Variants in NCKAP5 observed in about 807,000 individuals in gnomAD.
NCKAP5 encodes the protein nck-associated protein 5.
NCKAP5 carries 92 observed loss-of-function variants against 167.0 expected under a neutral mutation model. The ratio of observed to expected loss-of-function variants is 0.55; its 90% CI spans 0.47 to 0.66. The LOEUF is 0.66. Ranked by LOEUF, NCKAP5 falls within the 30% of genes least tolerant of loss-of-function variation. NCKAP5 has a pLI of 0.00. For synonymous variants in NCKAP5, 891 were observed against 877.4 expected, an observed-to-expected ratio of 1.02 and a Z score of -0.27; for missense variants, 2,378 against 2,315.0, an observed-to-expected ratio of 1.03 and a Z score of -0.56.
At chr2:133,399,724 G>A (rs973659828) in intron 3 of NCKAP5, among the ~76,000 whole-genome samples, 7 of 151,994 alleles carry the variant, frequency 4.6e-5, no homozygotes, top group Non-Finnish European at 5.9e-5. Flanking sequence ...TAACTGGTGC[G>A]GGCTCCATAA....
rs191614952 is a variant in NCKAP5, at chr2:133,279,469, C to T, written c.143+23568G>A. ...AAATTTTATTTTGGAAAAAAGTTCT[C>T]CTACATAACTAATATCACATAGCTT... On this transcript the variant is annotated intron_variant, in intron 4 of 19. Transcript: ENST00000409261. 3.9e-3 allele frequency among the ~76,000 whole-genome samples: 591 copies of T among 152,276 alleles called. 1 individual carries two copies. Among genetic ancestry groups the T allele is most frequent in the Middle Eastern group, 6.8e-3 (2 of 294 alleles).
the NCKAP5 span, among the ~76,000 whole-genome samples, chr2:133,602,167 T>A: frequency 1.3e-5 from 2 of 152,046 alleles, no homozygotes; most frequent in African/African-American, 4.8e-5. Flanking sequence ...GGGAGACTAT[T>A]CTGGGATGTG....
At chr2:133,064,356 G>A (rs1358108736) in intron 6 of NCKAP5, among the ~76,000 whole-genome samples, 1 of 152,130 alleles carries the variant, frequency 6.6e-6, no homozygotes, top group African/African-American at 2.4e-5. Flanking sequence ...TTTCATTATG[G>A]TTTGTGTAGG....
At chr2:132,933,098 T>C (rs1257489962) in intron 8 of NCKAP5, among the ~76,000 whole-genome samples, 1 of 152,070 alleles carries the variant, frequency 6.6e-6, no homozygotes, top group Non-Finnish European at 1.5e-5. Context: ...CTAATATTTT[T>C]GTATTTTTAG....
At chr2:132,979,990 CTTTTTCTTTTTT>C (rs1250760352) in intron 7 of NCKAP5, among the ~76,000 whole-genome samples, 1 of 145,604 alleles carries the variant, frequency 6.9e-6, no homozygotes, top group Non-Finnish European at 1.5e-5. Context: ...TTTTCTTTTT[CTTTTTCTTTTTT>C]TTTTTTTTTG....
intron 5 of NCKAP5, among the ~76,000 whole-genome samples, chr2:133,155,959 T>C (rs1459559564): frequency 6.6e-6 from 1 of 152,200 alleles, no homozygotes; most frequent in East Asian, 1.9e-4. Flanking sequence ...CTGACTAATA[T>C]AAAGAATTCA....
intron 2 of NCKAP5, among the ~76,000 whole-genome samples, chr2:133,547,089 C>A (rs928884792): frequency 6.6e-6 from 1 of 152,188 alleles, no homozygotes; most frequent in Non-Finnish European, 1.5e-5. Context: ...TCACGGAGTT[C>A]CCTTTCCAAG....
At chr2:132,735,876 T>A (rs76190328) in intron 16 of NCKAP5, among the ~76,000 whole-genome samples, 2,734 of 152,274 alleles carry the variant, frequency 0.018, 81 homozygotes, top group African/African-American at 0.062. Flanking sequence ...GAAAAAATGT[T>A]GAAGGTGGTC....
intron 2 of NCKAP5, among the ~76,000 whole-genome samples, chr2:133,544,667 T>C (rs184931410): frequency 3.7e-4 from 56 of 152,330 alleles, no homozygotes; most frequent in Non-Finnish European, 6.0e-4. Flanking sequence ...CAGTGTGCAT[T>C]CTTGTGCATG....
At chr2:133,650,734 T>C in the NCKAP5 span, among the ~76,000 whole-genome samples, 1 of 150,544 alleles carries the variant, frequency 6.6e-6, no homozygotes, top group African/African-American at 2.4e-5. Context: ...AAAAGAAAAA[T>C]AGCCACACGT....
chr2:132,983,741 A>T (rs563684674), intron 7 of NCKAP5, among the ~76,000 whole-genome samples: 1 of 152,306 alleles, frequency 6.6e-6, no homozygotes, highest in Non-Finnish European at 1.5e-5. Context: ...AGACTTCTCT[A>T]CTATCTCCAC....
intron 19 of NCKAP5, among the ~76,000 whole-genome samples, chr2:132,718,742 G>A (rs4245835): frequency 0.43 from 65,036 of 152,054 alleles, 17,286 homozygotes; most frequent in African/African-American, 0.74. Context: ...CAAGACCATA[G>A]TCAATGCAGT....
At chr2:133,498,464 AAGGAAGGAAGGAAGGAAGGC>A (rs1292066675) in intron 3 of NCKAP5, among the ~76,000 whole-genome samples, 1,678 of 138,966 alleles carry the variant, frequency 0.012, 29 homozygotes, top group African/African-American at 0.044. Flanking sequence ...GGAAGGAAGG[AAGGAAGGAAGGAAGGAAGGC>A]AGGCAGGCAG....
chr2:133,231,640 TC>T, intron 4 of NCKAP5, among the ~76,000 whole-genome samples: 1 of 152,144 alleles, frequency 6.6e-6, no homozygotes. Flanking sequence ...TTAGAATGGC[TC>T]TCATATCCAA....
chr2:132,706,348 C>A (rs1573939536), intron 19 of NCKAP5, among the ~76,000 whole-genome samples: 1 of 152,154 alleles, frequency 6.6e-6, no homozygotes, highest in Non-Finnish European at 1.5e-5. Flanking sequence ...CTCAGTTCTG[C>A]TGATGGAAGG....
At chr2:133,305,199 T>A (rs1193507841) in intron 3 of NCKAP5, among the ~76,000 whole-genome samples, 1 of 152,202 alleles carries the variant, frequency 6.6e-6, no homozygotes, top group African/African-American at 2.4e-5. Context: ...TGTCATTTTG[T>A]TCATTCTGAT....
At chr2:133,443,234 A>C (rs1690967713) in intron 3 of NCKAP5, among the ~76,000 whole-genome samples, 1 of 152,166 alleles carries the variant, frequency 6.6e-6, no homozygotes, top group Non-Finnish European at 1.5e-5. Flanking sequence ...GGTCAGTGTG[A>C]ACTTCACAAG....
chr2:133,403,689 A>G (rs569374868), intron 3 of NCKAP5, among the ~76,000 whole-genome samples: 6 of 152,304 alleles, frequency 3.9e-5, no homozygotes, highest in African/African-American at 1.4e-4. Context: ...AAGTGCTGCC[A>G]TGGAGAATGT....
the NCKAP5 span, among the ~76,000 whole-genome samples, chr2:133,659,394 A>G: frequency 6.6e-6 from 1 of 152,222 alleles, no homozygotes; most frequent in Non-Finnish European, 1.5e-5. Flanking sequence ...AACTTCCAGA[A>G]GAAACATAAG....
Sources: allele counts gnomAD v4.1 joint callset (sites outside exome capture counted in the v4.1 genomes callset), GRCh38; gene constraint gnomAD v4.1.1; transcripts MANE v1.5; gene names NCBI Gene and HGNC (gene_info 2026-07-23, HGNC 2026-07-21).